SLC35F3: variants seen among roughly 807,000 people sequenced by gnomAD.
The protein encoded by SLC35F3 is putative thiamine transporter SLC35F3.
Under a neutral mutation model 49.9 loss-of-function variants are expected in SLC35F3, and 25 were observed. That is an observed-to-expected ratio of 0.50 (90% confidence interval 0.37 to 0.70). The LOEUF (loss-of-function observed/expected upper bound fraction) is 0.70. SLC35F3 is among the 30% of genes least tolerant of loss of function. The probability of loss-of-function intolerance (pLI) is 0.00; values close to 1 mark genes in which losing one functional copy is unlikely to be tolerated. For synonymous variants in SLC35F3, 275 were observed against 265.4 expected, an observed-to-expected ratio of 1.04 and a Z score of -0.35; for missense variants, 525 against 639.8, an observed-to-expected ratio of 0.82 and a Z score of 1.94.
chr1:234,017,940 C>T (rs1663828874), intron 2 of SLC35F3, among the ~76,000 whole-genome samples: 1 of 151,726 alleles, frequency 6.6e-6, no homozygotes, highest in South Asian at 2.1e-4. Context: ...TAGGAGACAG[C>T]ATTTCACCAC....
chr1:234,231,286 G>A lies in SLC35F3; in HGVS notation c.284-131G>A. On this transcript the variant is annotated intron_variant, in intron 2 of 7. Coordinates refer to ENST00000366618, the MANE Select transcript of SLC35F3 (RefSeq NM_173508.4). The surrounding 1 kb of genome is among the most constrained non-coding windows in gnomAD (Gnocchi z 5.4). The stretch of plus-strand genomic sequence containing the variant: ...TTGCTGTCACACAGCCGCCCTGGAA[G>A]CCGCCCCTGCACCCGCTATCTCCCC... The A allele has an allele frequency of 1.4e-6, 1 of 727,456 alleles. No individual in the cohort carries two copies. Among genetic ancestry groups the A allele is most frequent in the Non-Finnish European group, 2.2e-6 (1 of 459,060 alleles). The allele number at this position is 727,456 out of a possible 1,614,324, so 45.1% of individuals were successfully genotyped here.
At chr1:234,081,904 A>AT (rs781469880) in intron 2 of SLC35F3, among the ~76,000 whole-genome samples, 9,850 of 39,106 alleles carry the variant, frequency 0.25, 2,901 homozygotes, top group Non-Finnish European at 0.27. Flanking sequence ...TGCCTGGCTA[A>AT]TTTTTTTTTT....
intron 2 of SLC35F3, among the ~76,000 whole-genome samples, chr1:234,119,557 T>C (rs1157831592): frequency 1.3e-5 from 2 of 152,212 alleles, no homozygotes; most frequent in African/African-American, 4.8e-5. Context: ...TTCTTGGTCA[T>C]AGGCTGAGCT....
chr1:234,214,112 C>G lies in SLC35F3; in HGVS notation c.284-17305C>G. The G allele has an allele frequency of 1.0e-6, 1 of 990,850 alleles. No homozygotes were observed. The highest frequency in any genetic ancestry group is 1.7e-5 in the African/African-American group (1 of 58,034). The allele number at this position is 990,850 out of a possible 1,614,324, so 61.4% of individuals were successfully genotyped here. A position where few individuals can be genotyped will look rare whatever the true frequency, so the allele number is the denominator to read the frequency against. On this transcript the variant is annotated intron_variant, in intron 2 of 7. Transcript: ENST00000366618. This position sits in a 1 kb window ranked among gnomAD's most constrained non-coding sequence, Gnocchi z 8.0. ...GCCAGAGGCTGCAGTCAGGACCTGG[C>G]TGGGAGGAAGACAGGGATGAGGGCT...
chr1:233,922,590 T>TG (rs1448138017), intron 2 of SLC35F3, among the ~76,000 whole-genome samples: 13 of 151,846 alleles, frequency 8.6e-5, no homozygotes, highest in Non-Finnish European at 1.6e-4. Context: ...TCTCCCATTC[T>TG]GTAGGTTGCC....
At chr1:233,927,046 A>G (rs908140118) in intron 2 of SLC35F3, among the ~76,000 whole-genome samples, 5 of 152,160 alleles carry the variant, frequency 3.3e-5, no homozygotes, top group South Asian at 4.1e-4. Context: ...TCACTTAGTA[A>G]CATGTACTTA....
At chr1:234,236,913 T>C (rs1474488333) in intron 3 of SLC35F3, among the ~76,000 whole-genome samples, 1 of 56,130 alleles carries the variant, frequency 1.8e-5, no homozygotes, top group East Asian at 5.0e-4. Context: ...CAGTCTCCTA[T>C]TAAAAAAAAA....
At chr1:234,239,292 C>T (rs888062641) in intron 3 of SLC35F3, among the ~76,000 whole-genome samples, 10 of 152,120 alleles carry the variant, frequency 6.6e-5, no homozygotes, top group African/African-American at 2.2e-4. Flanking sequence ...CCCATGTAGG[C>T]GGCATACAAA....
At chr1:234,217,749 G>A (rs929662567) in intron 2 of SLC35F3, among the ~76,000 whole-genome samples, 13 of 152,148 alleles carry the variant, frequency 8.5e-5, no homozygotes, top group Non-Finnish European at 1.5e-4. Flanking sequence ...AGATCTCTGA[G>A]GAGGAGGCCA....
chr1:233,924,215 A>G (rs1345098852), intron 2 of SLC35F3, among the ~76,000 whole-genome samples: 1 of 152,238 alleles, frequency 6.6e-6, no homozygotes, highest in Non-Finnish European at 1.5e-5. Flanking sequence ...TTTTAGAAGG[A>G]ATGGTAACAG....
At chr1:233,944,488 C>G (rs1662481192) in intron 2 of SLC35F3, among the ~76,000 whole-genome samples, 1 of 152,050 alleles carries the variant, frequency 6.6e-6, no homozygotes, top group Non-Finnish European at 1.5e-5. Flanking sequence ...GTTTCTGGGT[C>G]AAAGCTTCTA....
At chr1:234,130,189 T>A (rs972195667) in intron 2 of SLC35F3, among the ~76,000 whole-genome samples, 1 of 152,152 alleles carries the variant, frequency 6.6e-6, no homozygotes, top group Admixed American at 6.5e-5. Flanking sequence ...AAGTTGATTT[T>A]AAAATGGACC....
intron 2 of SLC35F3, among the ~76,000 whole-genome samples, chr1:234,185,643 A>G (rs766249631): frequency 1.3e-5 from 2 of 152,160 alleles, no homozygotes; most frequent in Non-Finnish European, 2.9e-5. Flanking sequence ...CTGAAAAGCC[A>G]TCTCTGCTTT....
chr1:234,137,560 C>G (rs1431347752), intron 2 of SLC35F3, among the ~76,000 whole-genome samples: 4 of 152,200 alleles, frequency 2.6e-5, no homozygotes, highest in East Asian at 3.9e-4. Flanking sequence ...AGAACCTTGG[C>G]TTTGAATGAA....
intron 3 of SLC35F3, among the ~76,000 whole-genome samples, chr1:234,293,610 G>A (rs1192942313): frequency 6.6e-6 from 1 of 151,908 alleles, no homozygotes; most frequent in African/African-American, 2.4e-5. Flanking sequence ...CTATGCTGTT[G>A]GTCTGGATGT....
At chr1:234,169,666 G>C (rs923498447) in intron 2 of SLC35F3, among the ~76,000 whole-genome samples, 4 of 152,194 alleles carry the variant, frequency 2.6e-5, no homozygotes, top group African/African-American at 9.7e-5. Context: ...CAGGCTTAGA[G>C]GCTGCTTTCC....
chr1:234,166,576 T>A (rs1024955037), intron 2 of SLC35F3, among the ~76,000 whole-genome samples: 1 of 152,146 alleles, frequency 6.6e-6, no homozygotes, highest in Non-Finnish European at 1.5e-5. Flanking sequence ...GGGGTATGTT[T>A]GGCAGAGACA....
intron 2 of SLC35F3, among the ~76,000 whole-genome samples, chr1:234,080,719 A>G (rs571656401): frequency 1.3e-5 from 2 of 152,348 alleles, no homozygotes; most frequent in South Asian, 4.1e-4. Context: ...ACAAATCCAT[A>G]CAGAAAGAAA....
chr1:233,924,921 G>C (rs978429119), intron 2 of SLC35F3, among the ~76,000 whole-genome samples: 2 of 152,230 alleles, frequency 1.3e-5, no homozygotes, highest in Non-Finnish European at 1.5e-5. Flanking sequence ...AGGTTGTTCA[G>C]TTTCCATGTA....
Sources: allele counts gnomAD v4.1 joint callset (sites outside exome capture counted in the v4.1 genomes callset), GRCh38; gene constraint gnomAD v4.1.1; non-coding constraint Gnocchi (gnomAD v3.1); transcripts MANE v1.5; gene names NCBI Gene and HGNC (gene_info 2026-07-23, HGNC 2026-07-21).